The following PPP2R2C variants were observed in gnomAD, a reference collection of about 807,000 sequenced individuals.
PPP2R2C encodes protein phosphatase 2 regulatory subunit Bgamma, also known as protein phosphatase 2, regulatory subunit B, gamma.
A neutral mutation model predicts 45.3 loss-of-function variants in PPP2R2C; 10 were observed. That is an observed-to-expected ratio of 0.22 (90% CI 0.14 to 0.37). The LOEUF (loss-of-function observed/expected upper bound fraction) is 0.37, where lower values mean the gene tolerates loss of function less well. PPP2R2C is among the 10% of genes least tolerant of loss of function. The pLI is 1.00. For synonymous variants in PPP2R2C, 257 were observed against 245.4 expected, an observed-to-expected ratio of 1.05 and a Z score of -0.44; for missense variants, 308 against 619.7, an observed-to-expected ratio of 0.50 and a Z score of 5.34.
chr4:6,511,807 T>G (rs1003834392), intron 2 of PPP2R2C, among the ~76,000 whole-genome samples: 791 of 2,122 alleles, frequency 0.37, 40 homozygotes, highest in Middle Eastern at 0.5. Context: ...GATGGTGGTG[T>G]TGGTGGTGGT....
At chr4:6,531,402 C>A (rs1724393724) in intron 2 of PPP2R2C, among the ~76,000 whole-genome samples, 2 of 152,166 alleles carry the variant, frequency 1.3e-5, no homozygotes, top group African/African-American at 4.8e-5. Context: ...GGAAGACCAC[C>A]AAGTGTGCCC....
chr4:6,350,003 T>C (rs1712395173), intron 5 of PPP2R2C: 2 of 985,290 alleles, frequency 2.0e-6, no homozygotes, highest in South Asian at 9.4e-5. Context: ...AGGGTCTCTG[T>C]GCTCGTGCTC....
chr4:6,396,226 G>A (rs1560513474), intron 1 of PPP2R2C, among the ~76,000 whole-genome samples: 1 of 152,184 alleles, frequency 6.6e-6, no homozygotes, highest in South Asian at 2.1e-4. Context: ...TTGATGCCAT[G>A]AAGTGCAGAT....
Position 6,492,586 on chromosome 4 carries a change from T to G in PPP2R2C, c.49+42685A>C, listed in dbSNP as rs566109555. Among the ~76,000 whole-genome samples the G allele has an allele frequency of 3.9e-5, 6 of 152,310 alleles. No homozygotes were observed. The South Asian group carries it at 1.2e-3, about 32-fold the overall frequency. On this transcript the variant is annotated intron_variant, in intron 2 of 9. Transcript: ENST00000506140. ...ATAATCCCTGGAGAACTACTGCTGTTTTTTAGAGATCAGTTCTGGAGCCCT... is the reference window on the plus strand; with the variant it reads ...ATAATCCCTGGAGAACTACTGCTGTGTTTTAGAGATCAGTTCTGGAGCCCT...
rs554613582 is a variant in PPP2R2C at position 6,342,073 on chromosome 4, T to C, written c.790+5773A>G. On this transcript the variant is annotated intron_variant, in intron 6 of 8. Coordinates refer to ENST00000382599, the MANE Select transcript of PPP2R2C (RefSeq NM_020416.4). Reference sequence around the variant, plus strand: ...ATATACTGAAAACATTTTGGAGATCTGCCACGATACACACACACACACACA... The same window carrying C: ...ATATACTGAAAACATTTTGGAGATCCGCCACGATACACACACACACACACA... 1.1e-3 allele frequency among the ~76,000 whole-genome samples: 155 copies of C among 143,608 alleles called. 2 individuals carry two copies. Among genetic ancestry groups the C allele is most frequent in the Non-Finnish European group, 1.7e-3 (114 of 66,598 alleles). 94.2% of individuals were successfully genotyped at this position (143,608 alleles called of 152,430 possible).
At chr4:6,409,333 C>T (rs896717230) in intron 1 of PPP2R2C, among the ~76,000 whole-genome samples, 46 of 152,270 alleles carry the variant, frequency 3.0e-4, no homozygotes, top group African/African-American at 1.1e-3. Flanking sequence ...CTAGGACCTG[C>T]GAGAGTGCAG....
intron 1 of PPP2R2C, among the ~76,000 whole-genome samples, chr4:6,467,144 C>T (rs901265006): frequency 1.3e-5 from 2 of 152,156 alleles, no homozygotes; most frequent in Non-Finnish European, 2.9e-5. Flanking sequence ...ATGTAAGTGG[C>T]GTTTCCAAAC....
chr4:6,412,561 C>A (rs189254816), intron 1 of PPP2R2C, among the ~76,000 whole-genome samples: 1 of 152,320 alleles, frequency 6.6e-6, no homozygotes, highest in African/African-American at 2.4e-5. Context: ...AGGGTTTGAA[C>A]CCTGATCTGA....
chr4:6,497,578 A>T (rs1722919013), intron 2 of PPP2R2C, among the ~76,000 whole-genome samples: 1 of 152,262 alleles, frequency 6.6e-6, no homozygotes. Flanking sequence ...TGTGCAAGAC[A>T]TTATAGAAAA....
At position 6,471,035 on chromosome 4, in the gene PPP2R2C, G is replaced by A. The variant is rs1721848221; in HGVS notation, c.70+1125C>T. On this transcript the variant is annotated intron_variant, in intron 1 of 8. Transcript: ENST00000382599. This position sits in a 1 kb window ranked among gnomAD's most constrained non-coding sequence, Gnocchi z 5.6. Reference sequence around the variant, plus strand: ...CTCGGCCTCATTTCCGGCAGAGCCAGGCTTCGAGGAGGCGGACCCAGCCGC... The same window carrying A: ...CTCGGCCTCATTTCCGGCAGAGCCAAGCTTCGAGGAGGCGGACCCAGCCGC... 6.6e-6 allele frequency among the ~76,000 whole-genome samples: 1 copy of A among 152,082 alleles called. No homozygotes were observed. The highest frequency in any genetic ancestry group is 2.4e-5 in the African/African-American group (1 of 41,442).
intron 6 of PPP2R2C, among the ~76,000 whole-genome samples, chr4:6,344,656 A>G (rs1711653847): frequency 6.6e-6 from 1 of 152,228 alleles, no homozygotes; most frequent in Admixed American, 6.5e-5. Context: ...AAAAATACAC[A>G]GAAAAATAAA....
chr4:6,543,643 A>T (rs1245822329), intron 1 of PPP2R2C, among the ~76,000 whole-genome samples: 3 of 152,130 alleles, frequency 2.0e-5, no homozygotes, highest in African/African-American at 7.2e-5. Context: ...AACCATGCTT[A>T]ACCAAGCGGC....
rs111713316 is a variant in PPP2R2C at position 6,455,143 on chromosome 4, C to T, written c.70+17017G>A. 6.6e-4 allele frequency among the ~76,000 whole-genome samples: 101 copies of T among 152,270 alleles called. 1 individual carries two copies. Among genetic ancestry groups the T allele is most frequent in the African/African-American group, 2.2e-3 (93 of 41,550 alleles). ...TAATCTACAGATGACTCCAGAGCTG[C>T]GTTGCATTCGTGGACTTACTCTTCC... On this transcript the variant is annotated intron_variant, in intron 1 of 8. Transcript: ENST00000382599.
chr4:6,403,449 A>C (rs1717579968), intron 1 of PPP2R2C, among the ~76,000 whole-genome samples: 1 of 152,232 alleles, frequency 6.6e-6, no homozygotes, highest in African/African-American at 2.4e-5. Flanking sequence ...CTCTGTTTAC[A>C]GCGGGGTGAG....
intron 1 of PPP2R2C, among the ~76,000 whole-genome samples, chr4:6,546,085 A>T (rs1724971786): frequency 6.6e-6 from 1 of 152,248 alleles, no homozygotes; most frequent in Non-Finnish European, 1.5e-5. Flanking sequence ...CGATAATAGC[A>T]GCTGTCGCTG....
At chr4:6,389,961 T>G (rs1031157308) in intron 1 of PPP2R2C, among the ~76,000 whole-genome samples, 3 of 151,702 alleles carry the variant, frequency 2.0e-5, no homozygotes, top group African/African-American at 7.3e-5. Flanking sequence ...GGCTGAGGAG[T>G]TGGTGAAGGA....
At chr4:6,369,745 G>T (rs1714648317) in intron 5 of PPP2R2C, among the ~76,000 whole-genome samples, 1 of 152,160 alleles carries the variant, frequency 6.6e-6, no homozygotes, top group Non-Finnish European at 1.5e-5. Flanking sequence ...TGGCTTCCTT[G>T]GCGGCCCCCA....
rs1182157622 is a variant in PPP2R2C, at chr4:6,364,063, A to C, written c.625+8460T>G. Among the ~76,000 whole-genome samples, 2 of 152,198 alleles carry C rather than the reference A, an allele frequency of 1.3e-5. No homozygotes were observed. The highest frequency in any genetic ancestry group is 4.8e-5 in the African/African-American group (2 of 41,446). On this transcript the variant is annotated intron_variant, in intron 5 of 8. Transcript: ENST00000382599. The surrounding 1 kb of genome is among the most constrained non-coding windows in gnomAD (Gnocchi z 5.3). Reference sequence around the variant, plus strand: ...TAGATCAAACAAGGTCCCTGCTCTCAAGAAGCTGCCAGTCCAGGAGGGAGA... The same window carrying C: ...TAGATCAAACAAGGTCCCTGCTCTCCAGAAGCTGCCAGTCCAGGAGGGAGA...
chr4:6,347,049 C>A (rs1350158219), intron 6 of PPP2R2C, among the ~76,000 whole-genome samples: 1 of 152,222 alleles, frequency 6.6e-6, no homozygotes, highest in Non-Finnish European at 1.5e-5. Flanking sequence ...CCTTCAGGGG[C>A]CTCTGGGATG....
Sources: gnomAD v4.1 joint callset for allele counts (sites outside exome capture counted in the v4.1 genomes callset) on GRCh38, gnomAD v4.1.1 for gene constraint, Gnocchi (gnomAD v3.1) non-coding constraint, MANE v1.5 for transcripts, NCBI Gene and HGNC (gene_info 2026-07-23, HGNC 2026-07-21) for gene names.